UBAP2: variants seen among roughly 807,000 people sequenced by gnomAD.
UBAP2 encodes the protein ubiquitin associated protein 2, also known as ubiquitin-associated protein 2.
In UBAP2, 75 loss-of-function variants were observed where a neutral mutation model predicts 139.6. The ratio of observed to expected loss-of-function variants is 0.54; its 90% confidence interval spans 0.45 to 0.65. UBAP2 has a LOEUF of 0.65. Ranked by LOEUF, UBAP2 falls within the 30% of genes least tolerant of loss-of-function variation. The pLI, the probability that UBAP2 is intolerant of heterozygous loss-of-function variation, is 0.00. For synonymous variants in UBAP2, 526 were observed against 526.2 expected (o/e 1.00, Z 0.01); for missense variants, 1,368 against 1,369.6 (o/e 1.00, Z 0.02).
At chr9:34,019,653 T>C (rs1289046069) in intron 1 of UBAP2, among the ~76,000 whole-genome samples, 1 of 150,870 alleles carries the variant, frequency 6.6e-6, no homozygotes, top group Non-Finnish European at 1.5e-5. Context: ...TATGTAACAA[T>C]GGTTACAATA....
chr9:33,926,077 G>A (rs912897784), intron 22 of UBAP2, among the ~76,000 whole-genome samples: 6 of 152,176 alleles, frequency 3.9e-5, no homozygotes, highest in Non-Finnish European at 5.9e-5. Context: ...CAACCACCAG[G>A]GACGTCCCAG....
chr9:33,985,052 T>C (rs1821087767), intron 6 of UBAP2, among the ~76,000 whole-genome samples: 2 of 152,304 alleles, frequency 1.3e-5, no homozygotes, highest in East Asian at 3.9e-4. Flanking sequence ...GAAAACAGTA[T>C]GGAGATTTAT....
chr9:33,979,781 T>C (rs1411345529), intron 6 of UBAP2, among the ~76,000 whole-genome samples: 2 of 151,876 alleles, frequency 1.3e-5, no homozygotes, highest in South Asian at 4.2e-4. Flanking sequence ...GGCAGGAGAA[T>C]TGCTTGAACC....
chr9:33,996,625 C>G (rs1342953281), intron 3 of UBAP2: 6 of 279,076 alleles, frequency 2.1e-5, no homozygotes, highest in Non-Finnish European at 4.0e-5. Context: ...TCAGAATACC[C>G]AAGATCAAGT....
chr9:33,995,448 A>G (rs180850064), intron 4 of UBAP2: 1,559 of 138,410 alleles, frequency 0.011, 30 homozygotes, highest in African/African-American at 0.039. Flanking sequence ...TATTATAAAT[A>G]TTATATATAA....
intron 2 of UBAP2, among the ~76,000 whole-genome samples, chr9:34,002,229 T>C (rs568022360): frequency 6.4e-4 from 98 of 152,128 alleles, no homozygotes; most frequent in African/African-American, 2.2e-3. Context: ...GCTGGAATTA[T>C]AGGCATGAGC....
At chr9:34,048,316 T>C (rs982342837) in intron 1 of UBAP2, among the ~76,000 whole-genome samples, 8 of 151,892 alleles carry the variant, frequency 5.3e-5, no homozygotes, top group African/African-American at 1.9e-4. Context: ...CCCTACAGAA[T>C]TGAAAAGAAG....
At chr9:34,035,514 A>AAAAAAAAAAATATAT in intron 1 of UBAP2, among the ~76,000 whole-genome samples, 2 of 22,474 alleles carry the variant, frequency 8.9e-5, no homozygotes, top group Admixed American at 6.9e-4. Flanking sequence ...AAAAAAAAAA[A>AAAAAAAAAAATATAT]ATATATATAT....
intron 1 of UBAP2, among the ~76,000 whole-genome samples, chr9:34,044,854 A>C (rs1827429139): frequency 6.6e-6 from 1 of 152,108 alleles, no homozygotes; most frequent in Non-Finnish European, 1.5e-5. Context: ...TGACAGAGCG[A>C]GACTCCATCT....
chr9:34,021,153 A>G (rs1043758271), intron 1 of UBAP2, among the ~76,000 whole-genome samples: 5 of 152,332 alleles, frequency 3.3e-5, no homozygotes, highest in Admixed American at 2.0e-4. Context: ...TTCAGGTACC[A>G]AAGAAAATTG....
In UBAP2 at chr9:33,944,414, T is replaced by C. The variant is rs1825488896; in HGVS notation, c.1496A>G (p.Gln499Arg). The C allele has an allele frequency of 1.2e-6, 2 of 1,614,212 alleles. No individual in the cohort carries two copies. The highest frequency in any genetic ancestry group is 3.3e-5 in the Admixed American group (2 of 60,020). Residue 499 changes from glutamine to arginine, a missense_variant, in exon 14 of 29, where the codon CAG becomes CGG. Gln to Arg is a conservative substitution (Grantham distance 43, BLOSUM62 1). Transcript: ENST00000379238. ...ENISVSVHQP[Q>R]PKHIKLAKRR... Reference sequence around the variant, plus strand: ...CTTAGCAAGTTTGATGTGTTTGGGCTGTGGCTGGTGGACAGACACAGAGAT... The same window carrying C: ...CTTAGCAAGTTTGATGTGTTTGGGCCGTGGCTGGTGGACAGACACAGAGAT...
At chr9:34,033,046 A>G (rs746255245) in intron 1 of UBAP2, among the ~76,000 whole-genome samples, 1 of 152,194 alleles carries the variant, frequency 6.6e-6, no homozygotes, top group Non-Finnish European at 1.5e-5. Context: ...ACTACTATGG[A>G]AAACAATTTG....
At chr9:34,037,246 C>G (rs1240626873) in intron 1 of UBAP2, among the ~76,000 whole-genome samples, 2 of 152,290 alleles carry the variant, frequency 1.3e-5, no homozygotes, top group East Asian at 3.9e-4. Context: ...CCTCGGCCCC[C>G]CAAAGTGCTG....
At chr9:33,928,049 G>C (rs1823625806) in intron 19 of UBAP2, 57 bp from the exon 20 acceptor site, 9 of 1,537,694 alleles carry the variant, frequency 5.9e-6, no homozygotes, top group Non-Finnish European at 7.9e-6. Flanking sequence ...AGGGTGCTGG[G>C]GAGAGCCTGG....
At chr9:34,037,757 G>A (rs1347967190) in intron 1 of UBAP2, among the ~76,000 whole-genome samples, 1 of 152,002 alleles carries the variant, frequency 6.6e-6, no homozygotes, top group African/African-American at 2.4e-5. Flanking sequence ...GTGTACTTCA[G>A]TCACAATATG....
At chr9:33,963,856 A>G in intron 8 of UBAP2, 65 bp from the exon 9 acceptor site, 1 of 1,213,066 alleles carries the variant, frequency 8.2e-7, no homozygotes, top group Non-Finnish European at 1.2e-6. Flanking sequence ...CATCACAGAG[A>G]AGATGGTCAC....
chr9:33,947,942 GGTGGAGAT>G (rs1010189547), intron 13 of UBAP2, among the ~76,000 whole-genome samples: 1 of 148,198 alleles, frequency 6.7e-6, no homozygotes, highest in Non-Finnish European at 1.5e-5. Context: ...GAGGCCAGGA[GGTGGAGAT>G]CAGCCTACGC....
chr9:34,038,705 C>A (rs1826705071), intron 1 of UBAP2, among the ~76,000 whole-genome samples: 1 of 152,110 alleles, frequency 6.6e-6, no homozygotes, highest in East Asian at 1.9e-4. Context: ...CGGCCGCCAC[C>A]CCGTCTGGGA....
intron 2 of UBAP2, among the ~76,000 whole-genome samples, chr9:34,010,672 A>C (rs1024226238): frequency 6.6e-6 from 1 of 152,122 alleles, no homozygotes; most frequent in Non-Finnish European, 1.5e-5. Flanking sequence ...TTTCATAATA[A>C]AGCATTGTGG....
Sources: allele counts gnomAD v4.1 joint callset (sites outside exome capture counted in the v4.1 genomes callset), GRCh38; gene constraint gnomAD v4.1.1; transcripts MANE v1.5; gene names NCBI Gene and HGNC (gene_info 2026-07-23, HGNC 2026-07-21).